Variants in ARHGAP42 observed in about 807,000 individuals in gnomAD.
ARHGAP42 encodes Rho GTPase activating protein 42.
In ARHGAP42, 63 loss-of-function variants were observed where a neutral mutation model predicts 125.0. That is an observed-to-expected ratio of 0.50 (90% confidence interval 0.41 to 0.62). The LOEUF (loss-of-function observed/expected upper bound fraction) is 0.62. Among genes scored for constraint, ARHGAP42 ranks in the 20% least tolerant of loss-of-function variants. The probability of loss-of-function intolerance (pLI) is 0.00; values close to 1 mark genes in which losing one functional copy is unlikely to be tolerated. For synonymous variants in ARHGAP42, 339 were observed against 351.0 expected (o/e 0.97, Z 0.38); for missense variants, 766 against 1,024.2 (o/e 0.75, Z 3.44).
At chr11:100,918,494 G>T (rs1045982719) in intron 5 of ARHGAP42, among the ~76,000 whole-genome samples, 1 of 152,064 alleles carries the variant, frequency 6.6e-6, no homozygotes, top group African/African-American at 2.4e-5. Context: ...TATTACTAGT[G>T]CTCTCTTTCA....
At chr11:100,858,838 C>T (rs1174191757) in intron 3 of ARHGAP42, among the ~76,000 whole-genome samples, 1 of 152,042 alleles carries the variant, frequency 6.6e-6, no homozygotes, top group Non-Finnish European at 1.5e-5. Context: ...AATCAACATT[C>T]CCCTCCAGAA....
At chr11:100,828,274 T>G (rs1334127890) in intron 3 of ARHGAP42, among the ~76,000 whole-genome samples, 1 of 152,022 alleles carries the variant, frequency 6.6e-6, no homozygotes, top group Non-Finnish European at 1.5e-5. Flanking sequence ...AAAAAAATCC[T>G]TAGTGTTTTG....
intron 3 of ARHGAP42, among the ~76,000 whole-genome samples, chr11:100,809,019 T>C (rs765495304): frequency 6.6e-6 from 1 of 152,152 alleles, no homozygotes; most frequent in Non-Finnish European, 1.5e-5. Context: ...CATTGGGGCA[T>C]CTCATTTATC....
At chr11:100,841,100 C>T (rs35803755) in intron 3 of ARHGAP42, among the ~76,000 whole-genome samples, 8,384 of 152,066 alleles carry the variant, frequency 0.055, 298 homozygotes, top group Non-Finnish European at 0.085. Context: ...TTTTGTGTAA[C>T]GAGGCATTTA....
intron 3 of ARHGAP42, among the ~76,000 whole-genome samples, chr11:100,819,070 G>C (rs1411056941): frequency 6.6e-6 from 1 of 152,132 alleles, no homozygotes; most frequent in African/African-American, 2.4e-5. Flanking sequence ...TATTTTTGGG[G>C]TTACATGATC....
intron 4 of ARHGAP42, among the ~76,000 whole-genome samples, chr11:100,883,385 G>C (rs1223137201): frequency 1.3e-5 from 2 of 152,136 alleles, no homozygotes; most frequent in African/African-American, 2.4e-5. Flanking sequence ...TTGTTGCCCA[G>C]GCTGGAGTGC....
chr11:100,869,558 A>G (rs1865654038), intron 4 of ARHGAP42, among the ~76,000 whole-genome samples: 1 of 152,156 alleles, frequency 6.6e-6, no homozygotes, highest in Non-Finnish European at 1.5e-5. Flanking sequence ...TCTGCATTCC[A>G]TGTTTCCATG....
At chr11:100,962,576 T>C in intron 16 of ARHGAP42, 109 bp downstream of exon 16, 2 of 1,054,188 alleles carry the variant, frequency 1.9e-6, no homozygotes, top group South Asian at 1.6e-5. Context: ...CAAGTATTGC[T>C]TAAAAAGTTG....
chr11:100,710,739 C>G (rs1422667512), intron 1 of ARHGAP42, among the ~76,000 whole-genome samples: 1 of 152,018 alleles, frequency 6.6e-6, no homozygotes, highest in Admixed American at 6.6e-5. Context: ...CAGGGTTTCA[C>G]CATGTTGGCC....
intron 10 of ARHGAP42, among the ~76,000 whole-genome samples, chr11:100,947,820 T>G (rs1008260794): frequency 1.3e-5 from 2 of 151,976 alleles, no homozygotes; most frequent in Non-Finnish European, 2.9e-5. Context: ...TTTCTAATAT[T>G]TTATATCTTT....
chr11:100,739,364 C>G (rs1434844391), intron 1 of ARHGAP42, among the ~76,000 whole-genome samples: 1 of 151,788 alleles, frequency 6.6e-6, no homozygotes, highest in Non-Finnish European at 1.5e-5. Context: ...TGATTTGAAA[C>G]TTTGAAATCC....
In ARHGAP42 at chr11:100,859,637, A is replaced by G; in HGVS notation, c.384+12A>G. ...TAGGTGCAGCAAAAGTAAGTGTTAC[A>G]TTTTATTATTCTTCAGTTATTCTCC... is the stretch of plus-strand genomic sequence containing the variant. On this transcript the variant is annotated intron_variant, in intron 4 of 23. Coordinates refer to ENST00000298815, the MANE Select transcript of ARHGAP42 (RefSeq NM_152432.4). The G allele has an allele frequency of 6.9e-7, 1 of 1,452,888 alleles. No homozygotes were observed. Among genetic ancestry groups the G allele is most frequent in the Non-Finnish European group, 9.1e-7 (1 of 1,096,422 alleles). The allele number at this position is 1,452,888 out of a possible 1,614,324, so 90.0% of individuals were successfully genotyped here.
chr11:100,779,280 C>T (rs1863208665), intron 2 of ARHGAP42, among the ~76,000 whole-genome samples: 1 of 151,062 alleles, frequency 6.6e-6, no homozygotes, highest in South Asian at 2.1e-4. Context: ...AACCCCATCT[C>T]TACTAAAAAT....
At chr11:100,774,954 G>A (rs1359211716) in intron 2 of ARHGAP42, among the ~76,000 whole-genome samples, 2 of 152,178 alleles carry the variant, frequency 1.3e-5, no homozygotes, top group Non-Finnish European at 2.9e-5. Flanking sequence ...TCGAGACCCA[G>A]TGGGGAATTC....
chr11:100,881,252 T>C lies in ARHGAP42; in HGVS notation c.384+21627T>C, dbSNP rs11224501. ...TTTAAGTCCTTCTTCCATCTTGAGT[T>C]GATCTTTACATAAGGTGAGATCCAG... On this transcript the variant is annotated intron_variant, in intron 4 of 23. Coordinates refer to ENST00000298815, the MANE Select transcript of ARHGAP42 (RefSeq NM_152432.4). Among the ~76,000 whole-genome samples the C allele has an allele frequency of 0.024, 3,637 of 152,264 alleles. 234 individuals are homozygous for C. The East Asian group carries it at 0.25, about 10-fold the overall frequency.
At chr11:100,919,625 C>T (rs1044280631) in intron 5 of ARHGAP42, among the ~76,000 whole-genome samples, 1 of 151,998 alleles carries the variant, frequency 6.6e-6, no homozygotes, top group South Asian at 2.1e-4. Flanking sequence ...TGGTCTTGAA[C>T]TCCTGAGCTC....
At chr11:100,759,465 T>C (rs1042796316) in intron 1 of ARHGAP42, among the ~76,000 whole-genome samples, 1 of 152,200 alleles carries the variant, frequency 6.6e-6, no homozygotes, top group Non-Finnish European at 1.5e-5. Flanking sequence ...GACAGCTTCC[T>C]ATTTTCAAGG....
chr11:100,803,752 G>C (rs530003326), intron 3 of ARHGAP42, among the ~76,000 whole-genome samples: 1 of 152,264 alleles, frequency 6.6e-6, no homozygotes, highest in East Asian at 1.9e-4. Flanking sequence ...CCCTGACCTT[G>C]ACAAATGATT....
chr11:100,736,167 T>C (rs1018199720), intron 1 of ARHGAP42, among the ~76,000 whole-genome samples: 1 of 152,192 alleles, frequency 6.6e-6, no homozygotes, highest in Non-Finnish European at 1.5e-5. Flanking sequence ...GTGGTTTTAG[T>C]TAGTTTGTTT....
Sources: gnomAD v4.1 joint callset for allele counts (sites outside exome capture counted in the v4.1 genomes callset) on GRCh38, gnomAD v4.1.1 for gene constraint, MANE v1.5 for transcripts, NCBI Gene and HGNC (gene_info 2026-07-23, HGNC 2026-07-21) for gene names.